PCDHA9: variants seen among roughly 807,000 people sequenced by gnomAD.
PCDHA9 encodes protocadherin alpha 9.
A neutral mutation model predicts 62.0 loss-of-function variants in PCDHA9; 62 were observed. That is an observed-to-expected ratio of 1.00 (90% CI 0.81 to 1.23). PCDHA9 has a LOEUF of 1.23. PCDHA9 is among the 50% of genes most tolerant of loss of function. The probability of loss-of-function intolerance (pLI) is 0.00; values close to 1 mark genes in which losing one functional copy is unlikely to be tolerated. For missense variants in PCDHA9, 1,205 were observed against 1,249.8 expected (o/e 0.96, Z 0.54); for synonymous variants, 557 against 567.6 (o/e 0.98, Z 0.27).
In PCDHA9 at chr5:140,857,667, G is replaced by A. The variant is rs375722457; in HGVS notation, c.2394+6778G>A. 3.4e-5 allele frequency: 54 copies of A among 1,596,806 alleles called. 7 individuals are homozygous for A. The highest frequency in any genetic ancestry group is 4.5e-5 in the Non-Finnish European group (52 of 1,167,800). ...TTCCAGGTGAGCGCGCGCGATGGGGGCGTGCCGCCTCTGGGCAGCAACTTG... is the reference window on the plus strand; with the variant it reads ...TTCCAGGTGAGCGCGCGCGATGGGGACGTGCCGCCTCTGGGCAGCAACTTG... On this transcript the variant is annotated intron_variant, in intron 1 of 3. Coordinates refer to ENST00000532602, the MANE Select transcript of PCDHA9 (RefSeq NM_031857.2).
At position 140,849,676 on chromosome 5, in the gene PCDHA9, C is replaced by G. The variant is rs2150444871; in HGVS notation, c.1181C>G (p.Pro394Arg). ...ACCTGCTCCCTGACGCCCCACGTCC[C>G]CTTCAAGCTGGTGTCCACCTACAAG... ...QVTCSLTPHV[P>R]FKLVSTYKNY... is the part of the protein sequence containing the mutation. Residue 394 changes from proline to arginine, a missense_variant, in exon 1 of 4, where the codon CCC (proline) becomes CGC (arginine). Transcript: ENST00000532602. 2 of 1,598,588 alleles carry G rather than the reference C, an allele frequency of 1.3e-6. No homozygotes were observed. Among genetic ancestry groups the G allele is most frequent in the African/African-American group, 2.7e-5 (2 of 74,336 alleles).
chr5:140,867,119 A>C (rs2049767402), intron 1 of PCDHA9: 1 of 152,142 alleles, frequency 6.6e-6, no homozygotes, highest in Admixed American at 6.5e-5. Context: ...ATATTGTTTT[A>C]ATTCAAATAT....
chr5:140,849,211 C>G lies in PCDHA9; in HGVS notation c.716C>G (p.Ala239Gly), dbSNP rs2040817305. 9.7e-7 allele frequency: 1 copy of G among 1,031,974 alleles called. No homozygotes were observed. The highest frequency in any genetic ancestry group is 2.6e-5 in the East Asian group (1 of 38,420). 63.9% of individuals were successfully genotyped at this position (1,031,974 alleles called of 1,614,324 possible). A position where few individuals can be genotyped will look rare whatever the true frequency, so the allele number is the denominator to read the frequency against. The change falls in exon 1 of 4, where the codon GCC becomes GGC. Residue 239 changes from alanine (A) to glycine (G), a missense_variant. By Grantham distance (60) the Ala-to-Gly change is moderately conservative (BLOSUM62 0). Transcript: ENST00000532602. ...ACGGTACTGGACAACAATGACAATG[C>G]CCCAGTGTTCGACAGAACCCTGTAT... is the stretch of plus-strand genomic sequence containing the variant. ...LITVLDNNDN[A>G]PVFDRTLYTV...
At chr5:140,903,202 C>T (rs1322362050) in intron 1 of PCDHA9, among the ~76,000 whole-genome samples, 4 of 152,184 alleles carry the variant, frequency 2.6e-5, no homozygotes, top group Admixed American at 2.0e-4. Context: ...GTGTCCTTTT[C>T]ACCACATTCA....
chr5:140,928,411 A>G, intron 1 of PCDHA9: 2 of 1,614,066 alleles, frequency 1.2e-6, no homozygotes, highest in Non-Finnish European at 1.7e-6. Context: ...CAGTGGGGCC[A>G]TCACTGCCAA....
rs1030293372 is a variant in PCDHA9 at position 140,856,468 on chromosome 5, A to C, written c.2394+5579A>C. ...TCTCCGTAACAGAACAAAAGCTCTC[A>C]ATACCTGAATCCAGACTGCTTGACT... On this transcript the variant is annotated intron_variant, in intron 1 of 3. Transcript: ENST00000532602. 2.2e-5 allele frequency: 35 copies of C among 1,597,788 alleles called. 3 individuals are homozygous for C. The East Asian group carries it at 7.4e-4, about 34-fold the overall frequency.
intron 3 of PCDHA9, among the ~76,000 whole-genome samples, chr5:141,004,805 A>G (rs1588069791): frequency 6.6e-6 from 1 of 152,310 alleles, no homozygotes; most frequent in African/African-American, 2.4e-5. Flanking sequence ...GCTGAGCTCA[A>G]TTGCAGATTT....
intron 3 of PCDHA9, among the ~76,000 whole-genome samples, chr5:140,985,991 A>G (rs575854221): frequency 2.7e-4 from 41 of 152,022 alleles, no homozygotes; most frequent in African/African-American, 9.2e-4. Context: ...CGCCCACCTC[A>G]GCCTCCCAAA....
chr5:140,978,440 T>C, intron 1 of PCDHA9, among the ~76,000 whole-genome samples: 1 of 152,244 alleles, frequency 6.6e-6, no homozygotes. Context: ...GCTGGTGTTA[T>C]GACTGGGCAC....
intron 3 of PCDHA9, among the ~76,000 whole-genome samples, chr5:140,987,465 T>C (rs1554249222): frequency 6.6e-6 from 1 of 152,130 alleles, no homozygotes; most frequent in Non-Finnish European, 1.5e-5. Flanking sequence ...TGTTAAGAGC[T>C]CAAGCTTGGG....
intron 3 of PCDHA9, among the ~76,000 whole-genome samples, chr5:140,985,013 C>T (rs1022576947): frequency 8.6e-5 from 13 of 152,046 alleles, no homozygotes; most frequent in Non-Finnish European, 1.3e-4. Context: ...TATCGGCTCA[C>T]AGCAACCTCT....
chr5:140,952,724 C>T (rs1481919445), intron 1 of PCDHA9, among the ~76,000 whole-genome samples: 1 of 152,100 alleles, frequency 6.6e-6, no homozygotes, highest in African/African-American at 2.4e-5. Flanking sequence ...ATTTTCTGTA[C>T]TAGTCTTTTC....
At chr5:140,884,395 C>T (rs1554181520) in intron 1 of PCDHA9, 1 of 1,614,000 alleles carries the variant, frequency 6.2e-7, no homozygotes, top group African/African-American at 1.3e-5. Context: ...CGGTGTCCAG[C>T]CTGTTGGTGC....
chr5:140,906,798 C>T (rs1456677849), intron 1 of PCDHA9, among the ~76,000 whole-genome samples: 1 of 152,192 alleles, frequency 6.6e-6, no homozygotes, highest in Non-Finnish European at 1.5e-5. Context: ...TCCATGCATA[C>T]TCTTCCTTAC....
chr5:140,929,517 A>G, intron 1 of PCDHA9: 1 of 761,634 alleles, frequency 1.3e-6, no homozygotes, highest in Non-Finnish European at 1.9e-6. Context: ...CAAGGGACTT[A>G]TAGTTTATTT....
intron 1 of PCDHA9, among the ~76,000 whole-genome samples, chr5:140,885,718 C>T (rs2060696401): frequency 6.6e-6 from 1 of 152,124 alleles, no homozygotes; most frequent in South Asian, 2.1e-4. Flanking sequence ...CTAATGTGAT[C>T]TCTGTGAAAT....
intron 1 of PCDHA9, chr5:140,875,246 C>T: frequency 1.0e-6 from 1 of 955,372 alleles, no homozygotes; most frequent in Non-Finnish European, 1.5e-6. Context: ...CTTACATAAT[C>T]AGTCACATGA....
intron 1 of PCDHA9, chr5:140,869,124 G>C: frequency 6.2e-7 from 1 of 1,608,632 alleles, no homozygotes; most frequent in East Asian, 2.2e-5. Flanking sequence ...TTCAGAGAAG[G>C]GGATTGGGCA....
At chr5:141,008,698 G>A (rs246582) in intron 3 of PCDHA9, among the ~76,000 whole-genome samples, 2,594 of 152,212 alleles carry the variant, frequency 0.017, 88 homozygotes, top group African/African-American at 0.059. Context: ...GTATTAAGTT[G>A]GTTTCTAGTT....
Sources: allele counts gnomAD v4.1 joint callset (sites outside exome capture counted in the v4.1 genomes callset), GRCh38; gene constraint gnomAD v4.1.1; transcripts MANE v1.5; gene names NCBI Gene and HGNC (gene_info 2026-07-23, HGNC 2026-07-21).